INPP4B: variants seen among roughly 807,000 people sequenced by gnomAD.
INPP4B encodes inositol polyphosphate-4-phosphatase type II B, also known as inositol polyphosphate 4-phosphatase type II.
Under a neutral mutation model 122.5 loss-of-function variants are expected in INPP4B, and 55 were observed. The ratio of observed to expected loss-of-function variants is 0.45; its 90% confidence interval spans 0.36 to 0.56. The LOEUF is 0.56. Ranked by LOEUF, INPP4B falls within the 20% of genes least tolerant of loss-of-function variation. The probability of loss-of-function intolerance (pLI) is 0.00; values close to 1 mark genes in which losing one functional copy is unlikely to be tolerated. For missense variants in INPP4B, 1,000 were observed against 1,097.7 expected, an observed-to-expected ratio of 0.91 and a Z score of 1.26; for synonymous variants, 403 against 388.7, an observed-to-expected ratio of 1.04 and a Z score of -0.43.
At chr4:142,143,190 C>T (rs1470108769) in intron 18 of INPP4B, among the ~76,000 whole-genome samples, 1 of 152,074 alleles carries the variant, frequency 6.6e-6, no homozygotes, top group Non-Finnish European at 1.5e-5. Flanking sequence ...AGACAAAAGT[C>T]GTCAACAAAC....
At chr4:142,113,810 TTTA>T (rs1271825904) in intron 21 of INPP4B, among the ~76,000 whole-genome samples, 1 of 152,042 alleles carries the variant, frequency 6.6e-6, no homozygotes, top group Non-Finnish European at 1.5e-5. Context: ...TTTTACCAGC[TTTA>T]TTAAGAAATT....
intron 1 of INPP4B, among the ~76,000 whole-genome samples, chr4:142,810,578 AT>A (rs1433640340): frequency 6.6e-6 from 1 of 151,790 alleles, no homozygotes; most frequent in Non-Finnish European, 1.5e-5. Flanking sequence ...ACACAATCAT[AT>A]TTTTAGTACC....
At chr4:142,217,843 A>G (rs574163807) in intron 12 of INPP4B, among the ~76,000 whole-genome samples, 5 of 152,242 alleles carry the variant, frequency 3.3e-5, no homozygotes, top group South Asian at 2.1e-4. Flanking sequence ...ACTTCCCCCA[A>G]GTAAGAGAGG....
chr4:142,603,588 T>C (rs189491547), intron 2 of INPP4B, among the ~76,000 whole-genome samples: 161 of 151,938 alleles, frequency 1.1e-3, no homozygotes, highest in Non-Finnish European at 1.2e-3. Context: ...TGAACAACTA[T>C]ATGAGAACAA....
At chr4:142,253,997 G>C (rs960179615) in intron 11 of INPP4B, among the ~76,000 whole-genome samples, 25 of 151,884 alleles carry the variant, frequency 1.6e-4, no homozygotes, top group Non-Finnish European at 3.5e-4. Context: ...CCAGCTCGCA[G>C]CTAGAGATCT....
intron 7 of INPP4B, among the ~76,000 whole-genome samples, chr4:142,378,008 C>T (rs1792657973): frequency 6.6e-6 from 1 of 151,982 alleles, no homozygotes; most frequent in Admixed American, 6.6e-5. Flanking sequence ...GGAAAGAATC[C>T]CTGAGTTGAA....
chr4:142,422,056 C>A lies in INPP4B; in HGVS notation c.136+7117G>T, dbSNP rs920821733. 2.0e-5 allele frequency among the ~76,000 whole-genome samples: 3 copies of A among 151,990 alleles called. No homozygotes were observed. The South Asian group carries it at 6.2e-4, about 32-fold the overall frequency. On this transcript the variant is annotated intron_variant, in intron 5 of 25. Coordinates refer to ENST00000262992, the MANE Select transcript of INPP4B (RefSeq NM_001101669.3). ...TCTGTAAGATCTTTAGAACGTAGAC[C>A]GTTGAGAATCTAGGATTCTTAATCT...
At chr4:142,374,446 T>C (rs1279517171) in intron 7 of INPP4B, among the ~76,000 whole-genome samples, 1 of 152,058 alleles carries the variant, frequency 6.6e-6, no homozygotes, top group Non-Finnish European at 1.5e-5. Context: ...GAAGATTTTT[T>C]AGAAGGGGAG....
At chr4:142,714,200 C>T (rs1763476287) in intron 2 of INPP4B, among the ~76,000 whole-genome samples, 1 of 152,140 alleles carries the variant, frequency 6.6e-6, no homozygotes, top group Admixed American at 6.5e-5. Context: ...TCACATGGGT[C>T]ATAAATTTAG....
At chr4:142,720,803 C>CTATA (rs1274255676) in intron 2 of INPP4B, among the ~76,000 whole-genome samples, 46 of 18,652 alleles carry the variant, frequency 2.5e-3, no homozygotes, top group East Asian at 0.014. Flanking sequence ...CTCTCTCTCT[C>CTATA]TCTCTCTATA....
At chr4:142,557,677 T>C (rs1192248147) in intron 2 of INPP4B, among the ~76,000 whole-genome samples, 1 of 152,136 alleles carries the variant, frequency 6.6e-6, no homozygotes, top group African/African-American at 2.4e-5. Context: ...GTTATAGATA[T>C]CTAAAAAATA....
At chr4:142,133,970 A>C (rs1165429195) in intron 18 of INPP4B, among the ~76,000 whole-genome samples, 1 of 152,080 alleles carries the variant, frequency 6.6e-6, no homozygotes, top group Non-Finnish European at 1.5e-5. Context: ...TTTTTTCTAC[A>C]GCCTCTGTCA....
intron 1 of INPP4B, among the ~76,000 whole-genome samples, chr4:142,743,539 G>A (rs1292610090): frequency 6.6e-6 from 1 of 151,880 alleles, no homozygotes; most frequent in African/African-American, 2.4e-5. Flanking sequence ...AGAGAAATTA[G>A]AGGTCAAGCA....
rs549795417 is a variant in INPP4B at position 142,801,304 on chromosome 4, T to A, written c.-254+44905A>T. Reference sequence around the variant, plus strand: ...AAACATTCACATATTGAAGCTCTAATCCCCAGTCCCTCAGAATGTAACTGT... The same window carrying A: ...AAACATTCACATATTGAAGCTCTAAACCCCAGTCCCTCAGAATGTAACTGT... On this transcript the variant is annotated intron_variant, in intron 1 of 25. Transcript: ENST00000262992. Among the ~76,000 whole-genome samples, 24 of 152,220 alleles carry A rather than the reference T, an allele frequency of 1.6e-4. No homozygotes were observed. The South Asian group carries it at 5.0e-3, about 32-fold the overall frequency.
Position 142,405,194 on chromosome 4 carries a change from A to G in INPP4B, c.255+12T>C. 1 of 1,464,372 alleles carries G rather than the reference A, an allele frequency of 6.8e-7. No individual in the cohort carries two copies. The highest frequency in any genetic ancestry group is 1.7e-5 in the Admixed American group (1 of 59,778). The allele number at this position is 1,464,372 out of a possible 1,614,324, so 90.7% of individuals were successfully genotyped here. ...GAGAGAGAGAGATTAATGTAGGCAC[A>G]CAGCATCTCACCTCCACAATTTCGG... On this transcript the variant is annotated intron_variant, in intron 6 of 25. Coordinates refer to ENST00000262992, the MANE Select transcript of INPP4B (RefSeq NM_001101669.3).
At chr4:142,143,349 T>C (rs1190939684) in intron 18 of INPP4B, among the ~76,000 whole-genome samples, 2 of 2,058 alleles carry the variant, frequency 9.7e-4, no homozygotes, top group East Asian at 0.25. Flanking sequence ...GTAGGGTATA[T>C]AAGCATCTGT....
At position 142,124,714 on chromosome 4, in the gene INPP4B, G is replaced by A. The variant is rs2152760016; in HGVS notation, c.1767C>T (p.Asp589=). Residue 589 remains aspartate (D), a synonymous_variant, in exon 19 of 26, where the codon GAC becomes GAT. Transcript: ENST00000262992. ...QLYPLILTLK[D]CMGEVVNRAK... is the part of the protein sequence containing the mutation. ...CTCGGTTCACCACTTCTCCCATGCAGTCCTTCAGGGTAAGGATGAGGGGAT... is the reference window on the plus strand; with the variant it reads ...CTCGGTTCACCACTTCTCCCATGCAATCCTTCAGGGTAAGGATGAGGGGAT... 6.2e-7 allele frequency: 1 copy of A among 1,608,082 alleles called. No homozygotes were observed. The highest frequency in any genetic ancestry group is 8.5e-7 in the Non-Finnish European group (1 of 1,175,820).
intron 7 of INPP4B, among the ~76,000 whole-genome samples, chr4:142,331,395 C>T (rs1214846485): frequency 6.6e-6 from 1 of 152,072 alleles, no homozygotes; most frequent in African/African-American, 2.4e-5. Flanking sequence ...TGTTTGGGAC[C>T]CAGATCTACT....
At chr4:142,037,208 TA>T (rs1744528261) in intron 25 of INPP4B, among the ~76,000 whole-genome samples, 1 of 152,204 alleles carries the variant, frequency 6.6e-6, no homozygotes, top group African/African-American at 2.4e-5. Flanking sequence ...AGCAGTCACT[TA>T]AAATAGAAAC....
Sources: allele counts gnomAD v4.1 joint callset (sites outside exome capture counted in the v4.1 genomes callset), GRCh38; gene constraint gnomAD v4.1.1; transcripts MANE v1.5; gene names NCBI Gene and HGNC (gene_info 2026-07-23, HGNC 2026-07-21).